Variants in BDNF observed in about 807,000 individuals in gnomAD.
BDNF encodes the protein brain derived neurotrophic factor.
A neutral mutation model predicts 19.5 loss-of-function variants in BDNF; 1 was observed. The observed-to-expected ratio is 0.05, with a 90% CI of 0.02 to 0.24. The LOEUF is 0.24. Ranked by LOEUF, BDNF falls within the 10% of genes least tolerant of loss-of-function variation. The probability of loss-of-function intolerance (pLI) is 1.00; values close to 1 mark genes in which losing one functional copy is unlikely to be tolerated. For synonymous variants in BDNF, 100 were observed against 121.6 expected (o/e 0.82, Z 1.17); for missense variants, 195 against 317.6 (o/e 0.61, Z 2.93).
intron 1 of BDNF, chr11:27,675,723 TTTA>T (rs1176244524): frequency 2.0e-5 from 3 of 152,038 alleles, no homozygotes; most frequent in African/African-American, 7.3e-5. Context: ...TCATCTCAAA[TTTA>T]TTATCAAGGA....
chr11:27,666,068 G>A (rs906260797), intron 1 of BDNF, among the ~76,000 whole-genome samples: 1 of 152,172 alleles, frequency 6.6e-6, no homozygotes, highest in Non-Finnish European at 1.5e-5. Flanking sequence ...CTGAGACGAA[G>A]CTTCCAGAGG....
chr11:27,677,688 G>C (rs760156596), intron 1 of BDNF: 5 of 152,082 alleles, frequency 3.3e-5, no homozygotes, highest in Non-Finnish European at 5.9e-5. Context: ...AGGTGAGCAG[G>C]GTATAAGTGG....
chr11:27,717,295 C>T (rs539307625), intron 1 of BDNF, among the ~76,000 whole-genome samples: 1 of 152,308 alleles, frequency 6.6e-6, no homozygotes, highest in South Asian at 2.1e-4. Context: ...TGAGCATATA[C>T]ATTAGATTAT....
At chr11:27,668,053 A>G (rs1854677457) in intron 1 of BDNF, among the ~76,000 whole-genome samples, 1 of 152,198 alleles carries the variant, frequency 6.6e-6, no homozygotes. Flanking sequence ...AAGAACAGAA[A>G]TTATAACAAA....
At chr11:27,672,604 G>A (rs1003395513) in intron 1 of BDNF, among the ~76,000 whole-genome samples, 4 of 152,102 alleles carry the variant, frequency 2.6e-5, no homozygotes, top group African/African-American at 7.2e-5. Context: ...AGCAGCAGCA[G>A]CAACAACAAC....
intron 1 of BDNF, among the ~76,000 whole-genome samples, chr11:27,695,839 A>G (rs1293573088): frequency 1.3e-5 from 2 of 151,996 alleles, no homozygotes; most frequent in Non-Finnish European, 2.9e-5. Flanking sequence ...AGTATATTTG[A>G]TAAGATTTGT....
intron 1 of BDNF, among the ~76,000 whole-genome samples, chr11:27,718,359 C>CCCCG (rs1554950412): frequency 6.9e-6 from 1 of 144,498 alleles, no homozygotes; most frequent in Non-Finnish European, 1.5e-5. Context: ...ACACCACCCC[C>CCCCG]CCCCGCCCCT....
In BDNF at chr11:27,658,091, G is replaced by A; in HGVS notation, c.474C>T (p.Asp158=). The change falls in exon 2 of 2, where the codon GAC becomes GAT. Residue 158 remains aspartate, a synonymous_variant. Transcript: ENST00000356660. The surrounding 1 kb of genome is among the most constrained non-coding windows in gnomAD (Gnocchi z 5.7). ...GGACTGTGACCGTCCCGCCCGACAT[G>A]TCCACTGCAGTCTTTTTGTCTGCCG... is the stretch of plus-strand genomic sequence containing the variant. ...VTAADKKTAV[D]MSGGTVTVLE... is the part of the protein sequence containing the mutation. The A allele has an allele frequency of 6.2e-7, 1 of 1,614,154 alleles. No homozygotes were observed. The highest frequency in any genetic ancestry group is 8.5e-7 in the Non-Finnish European group (1 of 1,180,040).
At chr11:27,716,358 A>G (rs1351668274) in intron 1 of BDNF, among the ~76,000 whole-genome samples, 7 of 152,094 alleles carry the variant, frequency 4.6e-5, no homozygotes, top group African/African-American at 4.8e-5. Context: ...TGTTCTTGAC[A>G]TAGATTATGG....
rs141705477 is a variant in BDNF at position 27,717,515 on chromosome 11, A to T, written c.3+3897T>A. ...CTACTGGCAGGATGCTCATATTCTC[A>T]TCTGAATCAATACTGGTATACTCCA... On this transcript the variant is annotated intron_variant, in intron 1 of 1. Coordinates refer to the BDNF transcript ENST00000314915. Among the ~76,000 whole-genome samples, 3 of 152,320 alleles carry T rather than the reference A, an allele frequency of 2.0e-5. No individual in the cohort carries two copies. In the East Asian group the frequency reaches 5.8e-4, roughly 29 times the overall value.
chr11:27,671,527 T>G (rs1034934426), intron 1 of BDNF, among the ~76,000 whole-genome samples: 1 of 152,164 alleles, frequency 6.6e-6, no homozygotes, highest in African/African-American at 2.4e-5. Context: ...TGAAATTGAT[T>G]TCATGCAACC....
chr11:27,687,449 T>C (rs1857626378), intron 1 of BDNF, among the ~76,000 whole-genome samples: 1 of 152,224 alleles, frequency 6.6e-6, no homozygotes, highest in Admixed American at 6.5e-5. Flanking sequence ...TTTGTTCCCT[T>C]GCTGGCAAAG....
At chr11:27,682,301 T>A (rs983835765) in intron 1 of BDNF, among the ~76,000 whole-genome samples, 1 of 151,940 alleles carries the variant, frequency 6.6e-6, no homozygotes, top group Non-Finnish European at 1.5e-5. Flanking sequence ...AGATCTCATA[T>A]GTATATATAT....
In BDNF at chr11:27,656,932, A is replaced by G. The variant is rs941985392; in HGVS notation, c.*889T>C. On this transcript the variant is annotated 3_prime_UTR_variant, in exon 2 of 2. Coordinates refer to ENST00000356660, the MANE Select transcript of BDNF (RefSeq NM_001709.5). ...GCAACTGATTTTTCTTCCTTAAAAC[A>G]AAACAAAGAGGAGACCAGAGGGGGA... 1.0e-6 allele frequency: 1 copy of G among 985,156 alleles called. No individual in the cohort carries two copies. Among genetic ancestry groups the G allele is most frequent in the African/African-American group, 1.7e-5 (1 of 57,158 alleles). 61.0% of individuals were successfully genotyped at this position (985,156 alleles called of 1,614,324 possible). A position where few individuals can be genotyped will look rare whatever the true frequency, so the allele number is the denominator to read the frequency against.
chr11:27,716,633 A>C (rs1860525768), intron 1 of BDNF, among the ~76,000 whole-genome samples: 1 of 152,232 alleles, frequency 6.6e-6, no homozygotes, highest in Non-Finnish European at 1.5e-5. Flanking sequence ...TTTTTCTGGC[A>C]AGTCAGTGCT....
At chr11:27,705,165 A>G (rs1373041983), upstream of BDNF, among the ~76,000 whole-genome samples, 1 of 152,258 alleles carries the variant, frequency 6.6e-6, no homozygotes, top group African/African-American at 2.4e-5. Context: ...TTAAAAATTA[A>G]TAATGAAGAA....
chr11:27,708,128 C>G (rs1416540155), intron 1 of BDNF, among the ~76,000 whole-genome samples: 1 of 152,122 alleles, frequency 6.6e-6, no homozygotes, highest in Non-Finnish European at 1.5e-5. Context: ...AAGAATGAGC[C>G]AAACATATGA....
intron 1 of BDNF, among the ~76,000 whole-genome samples, chr11:27,694,586 C>CTT (rs34321446): frequency 2.8e-4 from 34 of 123,566 alleles, no homozygotes; most frequent in African/African-American, 9.8e-4. Context: ...GGTTCCATAA[C>CTT]TTTTTTTTTT....
rs200039233 is a variant in BDNF, at chr11:27,671,307, T to TA, written c.-21-12723dup. On this transcript the variant is annotated intron_variant, in intron 1 of 1. Coordinates refer to ENST00000356660, the MANE Select transcript of BDNF (RefSeq NM_001709.5). Reference sequence around the variant, plus strand: ...TGTACCCTAGAACTTAAAGTATAATTAAAAAAAAAAAGAACCTGGAGAAAT... The same window carrying TA: ...TGTACCCTAGAACTTAAAGTATAATTAAAAAAAAAAAAGAACCTGGAGAAAT... Among the ~76,000 whole-genome samples the TA allele has an allele frequency of 6.1e-4, 89 of 145,048 alleles. 1 individual carries two copies. In the Middle Eastern group the frequency reaches 0.014, roughly 23 times the overall value.
Sources: allele counts gnomAD v4.1 joint callset (sites outside exome capture counted in the v4.1 genomes callset), GRCh38; gene constraint gnomAD v4.1.1; non-coding constraint Gnocchi (gnomAD v3.1); transcripts MANE v1.5; gene names NCBI Gene and HGNC (gene_info 2026-07-23, HGNC 2026-07-21).